Variants in WDR7 observed in about 807,000 individuals in gnomAD.
WDR7 encodes the protein WD repeat-containing protein 7.
Under a neutral mutation model 169.4 loss-of-function variants are expected in WDR7, and 46 were observed. The ratio of observed to expected loss-of-function variants is 0.27; its 90% CI spans 0.21 to 0.35. The LOEUF (loss-of-function observed/expected upper bound fraction) is 0.35. Among genes scored for constraint, WDR7 ranks in the 10% least tolerant of loss-of-function variants. The probability of loss-of-function intolerance (pLI) is 1.00; values close to 1 mark genes in which losing one functional copy is unlikely to be tolerated. For missense variants in WDR7, 1,534 were observed against 1,859.3 expected (o/e 0.83, Z 3.22); for synonymous variants, 612 against 666.8 (o/e 0.92, Z 1.27).
Position 56,651,537 on chromosome 18 carries a change from C to G in WDR7, c.-59C>G, listed in dbSNP as rs894459229. 1 of 152,700 alleles carries G rather than the reference C, an allele frequency of 6.5e-6. No individual in the cohort carries two copies. Among genetic ancestry groups the G allele is most frequent in the Non-Finnish European group, 1.5e-5 (1 of 68,440 alleles). The allele number at this position is 152,700 out of a possible 1,614,324, so 9.5% of individuals were successfully genotyped here. A position where few individuals can be genotyped will look rare whatever the true frequency, so the allele number is the denominator to read the frequency against. On this transcript the variant is annotated 5_prime_UTR_variant, in exon 1 of 28. Transcript: ENST00000254442. ...CTTGGCTGGGGCGCCCACCGGCGGT[C>G]TGATAGGCTACATCGCGGCATGAGA...
chr18:56,672,803 A>G, intron 2 of WDR7, 129 bp downstream of exon 2: 1 of 865,436 alleles, frequency 1.2e-6, no homozygotes, highest in Non-Finnish European at 1.6e-6. Flanking sequence ...GACTAAAACT[A>G]GTAGTATACA....
At chr18:56,761,712 T>C (rs1390903263) in intron 16 of WDR7, among the ~76,000 whole-genome samples, 1 of 151,800 alleles carries the variant, frequency 6.6e-6, no homozygotes, top group East Asian at 1.9e-4. Context: ...TTTAGATATA[T>C]AACATATATA....
chr18:56,891,336 G>A (rs1167902762), intron 21 of WDR7, among the ~76,000 whole-genome samples: 2 of 152,010 alleles, frequency 1.3e-5, no homozygotes, highest in Non-Finnish European at 2.9e-5. Context: ...CAGCTGTGTG[G>A]CCTTGAATAC....
intron 26 of WDR7, among the ~76,000 whole-genome samples, chr18:56,987,346 C>G (rs2047738366): frequency 6.9e-6 from 1 of 144,222 alleles, no homozygotes. Context: ...ATCCTCACAA[C>G]CTTTCGACCA....
chr18:56,769,490 T>G (rs892270596), intron 16 of WDR7, among the ~76,000 whole-genome samples: 3 of 152,180 alleles, frequency 2.0e-5, no homozygotes, highest in Non-Finnish European at 4.4e-5. Context: ...TAAGCCTCTG[T>G]GCCTGACTGT....
chr18:56,904,682 G>A (rs1599144900), intron 21 of WDR7, among the ~76,000 whole-genome samples: 1 of 152,206 alleles, frequency 6.6e-6, no homozygotes, highest in Admixed American at 6.5e-5. Context: ...GAATCCATGT[G>A]CAGAGTCTTT....
At chr18:56,920,398 T>C (rs1392714808) in intron 21 of WDR7, among the ~76,000 whole-genome samples, 1 of 152,234 alleles carries the variant, frequency 6.6e-6, no homozygotes, top group Non-Finnish European at 1.5e-5. Flanking sequence ...TGCTCCTGTT[T>C]CCTGAATTGT....
At chr18:56,963,077 A>G (rs1440403711) in intron 26 of WDR7, among the ~76,000 whole-genome samples, 1 of 152,188 alleles carries the variant, frequency 6.6e-6, no homozygotes. Flanking sequence ...CTGTTTGTGA[A>G]AAATTATTGA....
intron 19 of WDR7, among the ~76,000 whole-genome samples, chr18:56,785,881 G>A (rs569134910): frequency 1.0e-3 from 154 of 149,812 alleles, no homozygotes; most frequent in African/African-American, 3.6e-3. Context: ...GTCCTGGCTG[G>A]ACTTGAACTC....
chr18:56,693,589 T>TA (rs2025628240), intron 9 of WDR7, among the ~76,000 whole-genome samples: 1 of 139,864 alleles, frequency 7.1e-6, no homozygotes, highest in Non-Finnish European at 1.6e-5. Context: ...TTTTTTTTTT[T>TA]GAGATGGAGT....
intron 12 of WDR7, among the ~76,000 whole-genome samples, chr18:56,713,764 T>G (rs944457953): frequency 1.3e-5 from 2 of 152,168 alleles, no homozygotes; most frequent in Admixed American, 6.5e-5. Flanking sequence ...TCTCTAGAAT[T>G]TAATAATAAA....
chr18:56,823,651 A>T (rs967113899), intron 20 of WDR7, among the ~76,000 whole-genome samples: 1 of 152,152 alleles, frequency 6.6e-6, no homozygotes, highest in Non-Finnish European at 1.5e-5. Context: ...TTTCATATGT[A>T]TACCTCAGTT....
intron 26 of WDR7, among the ~76,000 whole-genome samples, chr18:57,019,632 T>TACCCCTGTTTTCCC (rs2048258915): frequency 2.0e-5 from 3 of 152,190 alleles, no homozygotes; most frequent in Admixed American, 2.0e-4. Flanking sequence ...CTTGTGTCCC[T>TACCCCTGTTTTCCC]ACCCCTGTTT....
At chr18:56,880,898 A>T (rs2046097221) in intron 21 of WDR7, among the ~76,000 whole-genome samples, 1 of 152,194 alleles carries the variant, frequency 6.6e-6, no homozygotes, top group Non-Finnish European at 1.5e-5. Context: ...GTAAGGTCAG[A>T]GTGGCATGTG....
At chr18:56,812,335 T>C (rs1018406529) in intron 19 of WDR7, among the ~76,000 whole-genome samples, 1 of 152,248 alleles carries the variant, frequency 6.6e-6, no homozygotes, top group African/African-American at 2.4e-5. Context: ...TTTTGCAGCC[T>C]TGCTGAACTA....
chr18:56,808,074 C>T (rs755982576), intron 19 of WDR7, among the ~76,000 whole-genome samples: 2 of 152,068 alleles, frequency 1.3e-5, no homozygotes, highest in Non-Finnish European at 2.9e-5. Flanking sequence ...GCAATGTGTG[C>T]AGAGAGACTA....
At chr18:56,797,116 G>T (rs2044598025) in intron 19 of WDR7, among the ~76,000 whole-genome samples, 1 of 152,152 alleles carries the variant, frequency 6.6e-6, no homozygotes, top group Non-Finnish European at 1.5e-5. Context: ...ACAGAGATTA[G>T]ACAGACTCAT....
chr18:56,733,258 C>G (rs2026627045), intron 14 of WDR7, among the ~76,000 whole-genome samples: 1 of 152,110 alleles, frequency 6.6e-6, no homozygotes, highest in African/African-American at 2.4e-5. Context: ...GAAGCTGAAG[C>G]TGCAGGAGGA....
intron 22 of WDR7, among the ~76,000 whole-genome samples, chr18:56,927,972 G>T (rs1006146119): frequency 2.1e-4 from 32 of 152,184 alleles, no homozygotes. Flanking sequence ...AACCAGAGGG[G>T]ATGCAAGGAG....
Sources: gnomAD v4.1 joint callset for allele counts (sites outside exome capture counted in the v4.1 genomes callset) on GRCh38, gnomAD v4.1.1 for gene constraint, MANE v1.5 for transcripts, NCBI Gene and HGNC (gene_info 2026-07-23, HGNC 2026-07-21) for gene names.